Variants in SCAMP5 observed in about 807,000 individuals in gnomAD.
SCAMP5 encodes secretory carrier-associated membrane protein 5.
In SCAMP5, 7 loss-of-function variants were observed where a neutral mutation model predicts 28.3. The ratio of observed to expected loss-of-function variants is 0.25; its 90% CI spans 0.14 to 0.46. The LOEUF (loss-of-function observed/expected upper bound fraction) is 0.46, where lower values mean the gene tolerates loss of function less well. Among genes scored for constraint, SCAMP5 ranks in the 20% least tolerant of loss-of-function variants. The pLI is 0.99. For synonymous variants in SCAMP5, 117 were observed against 116.4 expected (o/e 1.00, Z -0.03); for missense variants, 192 against 312.5 (o/e 0.61, Z 2.91).
intron 1 of SCAMP5, among the ~76,000 whole-genome samples, chr15:74,998,913 CAG>C (rs1436286279): frequency 6.6e-6 from 1 of 152,172 alleles, no homozygotes; most frequent in Non-Finnish European, 1.5e-5. Context: ...GGACCAGGGA[CAG>C]GGGTTAGGCT....
intron 1 of SCAMP5, among the ~76,000 whole-genome samples, chr15:75,005,566 C>G (rs12898551): frequency 0.3 from 45,942 of 152,092 alleles, 8,985 homozygotes; most frequent in Non-Finnish European, 0.44. Flanking sequence ...TTCTGTCTTT[C>G]ATGACATTAA....
intron 1 of SCAMP5, among the ~76,000 whole-genome samples, chr15:74,999,854 C>G (rs943201935): frequency 2.6e-5 from 4 of 152,144 alleles, no homozygotes; most frequent in Non-Finnish European, 4.4e-5. Flanking sequence ...AACTTGTCAC[C>G]TGACTGCTTC....
At chr15:75,006,503 A>G (rs2141435884) in intron 1 of SCAMP5, among the ~76,000 whole-genome samples, 1 of 134,372 alleles carries the variant, frequency 7.4e-6, no homozygotes, top group African/African-American at 2.8e-5. Flanking sequence ...AAATACAACA[A>G]TTGGCCGGGC....
rs765345484 is a variant in SCAMP5 at position 75,018,762 on chromosome 15, C to T, written c.514-27C>T. 5 of 1,558,138 alleles carry T rather than the reference C, an allele frequency of 3.2e-6. 1 individual carries two copies. The South Asian group carries it at 5.7e-5, about 18-fold the overall frequency. On this transcript the variant is annotated intron_variant, in intron 6 of 6. Coordinates refer to ENST00000425597, the MANE Select transcript of SCAMP5 (RefSeq NM_138967.4). The surrounding 1 kb of genome is among the most constrained non-coding windows in gnomAD (Gnocchi z 5.6). ...TGGGCTGCCTTTTCTCTTTGATTAA[C>T]CCTTCTTTACGCTCTTTTTCCTACA...
At chr15:75,013,501 C>T (rs2065832412) in intron 3 of SCAMP5, among the ~76,000 whole-genome samples, 1 of 152,098 alleles carries the variant, frequency 6.6e-6, no homozygotes, top group African/African-American at 2.4e-5. Flanking sequence ...GAGTTTAAGA[C>T]CAGCCTAGGC....
rs2065884761 is a variant in SCAMP5, at chr15:75,019,116, G to GTT, written c.*134_*135dup. The GTT allele has an allele frequency of 1.2e-5, 6 of 516,180 alleles. No homozygotes were observed. Among genetic ancestry groups the GTT allele is most frequent in the East Asian group, 3.6e-5 (1 of 27,912 alleles). 32.0% of individuals were successfully genotyped at this position (516,180 alleles called of 1,614,324 possible). The stretch of plus-strand genomic sequence containing the variant: ...TCCCTACTTTGTACAAAGGACCAGA[G>GTT]TTATATATATATATATATGTATATG... On this transcript the variant is annotated 3_prime_UTR_variant, in exon 7 of 7. Coordinates refer to ENST00000425597, the MANE Select transcript of SCAMP5 (RefSeq NM_138967.4).
intron 1 of SCAMP5, among the ~76,000 whole-genome samples, chr15:75,001,589 G>A (rs1439954578): frequency 6.6e-6 from 1 of 151,896 alleles, no homozygotes; most frequent in African/African-American, 2.4e-5. Flanking sequence ...AAACCTAGGC[G>A]GCCAGGCACC....
chr15:75,006,835 G>C (rs1270272461), intron 1 of SCAMP5, among the ~76,000 whole-genome samples: 1 of 151,588 alleles, frequency 6.6e-6, no homozygotes, highest in Non-Finnish European at 1.5e-5. Context: ...CCAGCTACTC[G>C]GGAGGCTGAA....
At chr15:74,997,403 A>C (rs1268823009) in intron 1 of SCAMP5, 1 of 152,268 alleles carries the variant, frequency 6.6e-6, no homozygotes, top group African/African-American at 2.4e-5. Flanking sequence ...CCAAGTCTTA[A>C]GCAAGTATAT....
At chr15:74,998,605 CAAAA>C (rs746618976) in intron 1 of SCAMP5, among the ~76,000 whole-genome samples, 4 of 85,326 alleles carry the variant, frequency 4.7e-5, no homozygotes, top group Non-Finnish European at 7.4e-5. Flanking sequence ...AACTCCATCT[CAAAA>C]AAAAAAAAAA....
intron 3 of SCAMP5, among the ~76,000 whole-genome samples, chr15:75,015,460 G>C (rs1291144806): frequency 3.3e-5 from 5 of 152,050 alleles, no homozygotes; most frequent in South Asian, 4.2e-4. Flanking sequence ...AGAGGGGGGG[G>C]GGCCTGGGTC....
At chr15:75,006,785 A>C (rs1358312194) in intron 1 of SCAMP5, among the ~76,000 whole-genome samples, 1 of 150,816 alleles carries the variant, frequency 6.6e-6, no homozygotes, top group Admixed American at 6.6e-5. Context: ...AAAAAAAAAA[A>C]AAAACAATTA....
rs900068364 is a variant in SCAMP5, at chr15:75,021,441, T to C, written c.*2458T>C. On this transcript the variant is annotated 3_prime_UTR_variant, in exon 7 of 7. Coordinates refer to ENST00000425597, the MANE Select transcript of SCAMP5 (RefSeq NM_138967.4). Reference sequence around the variant, plus strand: ...GGCAGTTGAGCTGCCTGAGCCAATGTGTCTGTCTTTGGTAACTGAGTGAAC... The same window carrying C: ...GGCAGTTGAGCTGCCTGAGCCAATGCGTCTGTCTTTGGTAACTGAGTGAAC... 1 of 152,264 alleles carries C rather than the reference T, an allele frequency of 6.6e-6. No individual in the cohort carries two copies. Among genetic ancestry groups the C allele is most frequent in the African/African-American group, 2.4e-5 (1 of 41,446 alleles). The allele number at this position is 152,264 out of a possible 1,614,324, so 9.4% of individuals were successfully genotyped here. A position where few individuals can be genotyped will look rare whatever the true frequency, so the allele number is the denominator to read the frequency against.
chr15:75,014,122 G>A (rs938935231), intron 3 of SCAMP5, among the ~76,000 whole-genome samples: 3 of 152,216 alleles, frequency 2.0e-5, no homozygotes, highest in African/African-American at 7.2e-5. Flanking sequence ...ACACTGCCCT[G>A]AGTGAGGCCT....
chr15:74,998,073 C>T (rs1443461960), intron 1 of SCAMP5, among the ~76,000 whole-genome samples: 1 of 152,216 alleles, frequency 6.6e-6, no homozygotes, highest in Non-Finnish European at 1.5e-5. Flanking sequence ...GCTTGACCCT[C>T]GTCTGCTGCC....
intron 1 of SCAMP5, among the ~76,000 whole-genome samples, chr15:74,998,115 C>T (rs1039667911): frequency 2.0e-5 from 3 of 152,226 alleles, no homozygotes; most frequent in African/African-American, 4.8e-5. Context: ...GTGGGGGCTT[C>T]TGTCCTAGCT....
rs2065657765 is a variant in SCAMP5, at chr15:74,996,725, C to T, written c.-49+1052C>T. ...TGCAACCTGTCCCCTACATGTTCTG[C>T]CTCACGGAGCAGGGCTCTGAAAGAG... On this transcript the variant is annotated intron_variant, in intron 1 of 6. Transcript: ENST00000425597. The surrounding 1 kb of genome is among the most constrained non-coding windows in gnomAD (Gnocchi z 4.1). Among the ~76,000 whole-genome samples the T allele has an allele frequency of 6.6e-6, 1 of 152,184 alleles. No individual in the cohort carries two copies. Among genetic ancestry groups the T allele is most frequent in the Non-Finnish European group, 1.5e-5 (1 of 68,042 alleles).
At position 75,011,783 on chromosome 15, in the gene SCAMP5, T is replaced by A; in HGVS notation, c.-48-9T>A. ...ATCTCATCCTTCTCTGGCTTTTCTT[T>A]CCTTGCAGTTCAGGACAAAGAGGTG... On this transcript the variant is annotated splice_polypyrimidine_tract_variant and intron_variant, in intron 1 of 6. Coordinates refer to ENST00000425597, the MANE Select transcript of SCAMP5 (RefSeq NM_138967.4). 1 of 1,562,120 alleles carries A rather than the reference T, an allele frequency of 6.4e-7. No homozygotes were observed. Among genetic ancestry groups the A allele is most frequent in the South Asian group, 1.1e-5 (1 of 89,462 alleles).
At chr15:75,005,839 C>G (rs1264975315) in intron 1 of SCAMP5, among the ~76,000 whole-genome samples, 1 of 151,910 alleles carries the variant, frequency 6.6e-6, no homozygotes, top group African/African-American at 2.4e-5. Flanking sequence ...ATTCTCCTGC[C>G]TCAGCCTCCC....
Sources: allele counts gnomAD v4.1 joint callset (sites outside exome capture counted in the v4.1 genomes callset), GRCh38; gene constraint gnomAD v4.1.1; non-coding constraint Gnocchi (gnomAD v3.1); transcripts MANE v1.5; gene names NCBI Gene and HGNC (gene_info 2026-07-23, HGNC 2026-07-21).